SLC30A7: variants seen among roughly 807,000 people sequenced by gnomAD.
SLC30A7 encodes the protein zinc transporter 7.
In SLC30A7, 35 loss-of-function variants were observed where a neutral mutation model predicts 46.0. That is an observed-to-expected ratio of 0.76 (90% CI 0.58 to 1.01). SLC30A7 has a LOEUF of 1.01. SLC30A7 is among the 50% of genes least tolerant of loss of function. SLC30A7 has a pLI of 0.00. For synonymous variants in SLC30A7, 147 were observed against 157.8 expected (o/e 0.93, Z 0.51); for missense variants, 464 against 451.1 (o/e 1.03, Z -0.26).
chr1:100,925,968 GA>G (rs1392678244), intron 8 of SLC30A7, among the ~76,000 whole-genome samples: 3 of 152,082 alleles, frequency 2.0e-5, no homozygotes, highest in Non-Finnish European at 4.4e-5. Context: ...TGTTTTCCTG[GA>G]AGATATCCCT....
At chr1:100,987,425 T>C in the SLC30A7 span, among the ~76,000 whole-genome samples, 1 of 152,198 alleles carries the variant, frequency 6.6e-6, no homozygotes, top group Admixed American at 6.5e-5. Flanking sequence ...TTCTAATCTT[T>C]TCTTCTCTTT....
In SLC30A7 at chr1:100,906,944, A is replaced by AT. The variant is rs1189158782; in HGVS notation, c.276dup (p.Asn93Ter). 1 of 1,611,298 alleles carries AT rather than the reference A, an allele frequency of 6.2e-7. No individual in the cohort carries two copies. The highest frequency in any genetic ancestry group is 2.2e-5 in the East Asian group (1 of 44,854). On this transcript the variant is annotated frameshift_variant, in exon 3 of 11. Coordinates refer to ENST00000357650, the MANE Select transcript of SLC30A7 (RefSeq NM_133496.5). LOFTEE classifies it high-confidence loss of function. ...GCTTCTGTTATTTCAAAATGGAGAG[A>AT]TAATGATGCTTTCTCCTATGGGTAA... is the stretch of plus-strand genomic sequence containing the variant.
chr1:100,991,503 C>T, the SLC30A7 span, among the ~76,000 whole-genome samples: 3 of 152,108 alleles, frequency 2.0e-5, no homozygotes, highest in Non-Finnish European at 4.4e-5. Flanking sequence ...TCAAGAATCT[C>T]TTGACTGGGT....
In SLC30A7 at chr1:100,913,638, T is replaced by G. The variant is rs764545518; in HGVS notation, c.512-25T>G. 17 of 1,562,778 alleles carry G rather than the reference T, an allele frequency of 1.1e-5. No homozygotes were observed. In the East Asian group the frequency reaches 3.8e-4, roughly 35 times the overall value. ...TTATATAATATATTTTTACATACCT[T>G]CTGTCCTAACACTTTGTTTTCTAGG... is the stretch of plus-strand genomic sequence containing the variant. On this transcript the variant is annotated intron_variant, in intron 5 of 10. Coordinates refer to ENST00000357650, the MANE Select transcript of SLC30A7 (RefSeq NM_133496.5).
chr1:100,926,737 A>T (rs947113637), intron 8 of SLC30A7, among the ~76,000 whole-genome samples: 1 of 144,552 alleles, frequency 6.9e-6, no homozygotes, highest in African/African-American at 2.6e-5. Context: ...AAATTCAACA[A>T]ATGTTTTAGT....
chr1:100,952,069 C>G, intron 8 of SLC30A7, among the ~76,000 whole-genome samples: 1 of 152,164 alleles, frequency 6.6e-6, no homozygotes, highest in East Asian at 1.9e-4. Context: ...CAGGTGACCT[C>G]TAGATGTCAC....
At chr1:100,937,392 T>C (rs1654034843) in intron 8 of SLC30A7, among the ~76,000 whole-genome samples, 1 of 152,230 alleles carries the variant, frequency 6.6e-6, no homozygotes. Flanking sequence ...CATTTTCACC[T>C]ACAATGCAGA....
chr1:100,910,054 CATACT>C (rs1651984705), intron 3 of SLC30A7, among the ~76,000 whole-genome samples: 1 of 152,036 alleles, frequency 6.6e-6, no homozygotes. Context: ...CATAGAAATA[CATACT>C]ATGTTGGAAT....
At position 100,928,576 on chromosome 1, in the gene SLC30A7, T is replaced by C. The variant is rs371712271; in HGVS notation, c.842+6735T>C. Among the ~76,000 whole-genome samples the C allele has an allele frequency of 3.3e-5, 5 of 152,260 alleles. No individual in the cohort carries two copies. The East Asian group carries it at 5.8e-4, about 18-fold the overall frequency. On this transcript the variant is annotated intron_variant, in intron 8 of 10. Coordinates refer to ENST00000357650, the MANE Select transcript of SLC30A7 (RefSeq NM_133496.5). ...TATTTTTGTGGGTTTTCTTTTGGAT[T>C]TTTTCTTTTATTCTGAGATTATTTT...
In SLC30A7 at chr1:100,980,397, C is replaced by T. The variant is rs906147735; in HGVS notation, c.*5540C>T. 9 of 152,006 alleles carry T rather than the reference C, an allele frequency of 5.9e-5. No homozygotes were observed. Among genetic ancestry groups the T allele is most frequent in the Non-Finnish European group, 1.3e-4 (9 of 67,940 alleles). The allele number at this position is 152,006 out of a possible 1,614,324, so 9.4% of individuals were successfully genotyped here. A position where few individuals can be genotyped will look rare whatever the true frequency, so the allele number is the denominator to read the frequency against. On this transcript the variant is annotated 3_prime_UTR_variant, in exon 11 of 11. Coordinates refer to ENST00000357650, the MANE Select transcript of SLC30A7 (RefSeq NM_133496.5). Reference sequence around the variant, plus strand: ...ATTTAATGTTGACTTCTTACAACAGCCTTGAAAATTATTTGTAATTTTGAT... The same window carrying T: ...ATTTAATGTTGACTTCTTACAACAGTCTTGAAAATTATTTGTAATTTTGAT...
Position 100,966,781 on chromosome 1 carries a change from A to C in SLC30A7, c.1083+863A>C, listed in dbSNP as rs112901589. Among the ~76,000 whole-genome samples, 9 of 152,314 alleles carry C rather than the reference A, an allele frequency of 5.9e-5. No homozygotes were observed. In the East Asian group the frequency reaches 1.5e-3, roughly 26 times the overall value. ...TTTCTTATAAGATATGTTAGGTACT[A>C]TTTGAAGCCAAGAATTCTAAAACAG... On this transcript the variant is annotated intron_variant, in intron 10 of 10. Transcript: ENST00000357650.
chr1:100,964,628 T>G (rs2101090090), intron 9 of SLC30A7, among the ~76,000 whole-genome samples: 1 of 152,246 alleles, frequency 6.6e-6, no homozygotes, highest in South Asian at 2.1e-4. Context: ...ATTTTTTAAT[T>G]TGTAAAATTA....
chr1:100,913,000 T>C (rs954459524), intron 5 of SLC30A7, among the ~76,000 whole-genome samples: 1 of 152,186 alleles, frequency 6.6e-6, no homozygotes, highest in Non-Finnish European at 1.5e-5. Flanking sequence ...TTTAGAATTT[T>C]TGTAAAAGTG....
chr1:100,937,616 C>T (rs1459596318), intron 8 of SLC30A7, among the ~76,000 whole-genome samples: 1 of 152,018 alleles, frequency 6.6e-6, no homozygotes, highest in Non-Finnish European at 1.5e-5. Context: ...TTTTGTATAT[C>T]TTTGGGAAAA....
intron 8 of SLC30A7, among the ~76,000 whole-genome samples, chr1:100,939,242 T>C (rs1347364336): frequency 6.6e-6 from 1 of 152,150 alleles, no homozygotes; most frequent in East Asian, 1.9e-4. Flanking sequence ...GGAGCAATGG[T>C]TTTTTTAATG....
intron 8 of SLC30A7, among the ~76,000 whole-genome samples, chr1:100,935,922 G>A (rs1307963554): frequency 6.6e-6 from 1 of 151,916 alleles, no homozygotes; most frequent in East Asian, 1.9e-4. Context: ...TAATATATGG[G>A]CCAGAATACC....
At chr1:100,953,267 A>G (rs946517555) in intron 8 of SLC30A7, among the ~76,000 whole-genome samples, 2 of 152,222 alleles carry the variant, frequency 1.3e-5, no homozygotes, top group East Asian at 1.9e-4. Flanking sequence ...GTAGTTTTTT[A>G]TAGCAGTATG....
At chr1:100,911,828 A>C (rs985664258) in intron 4 of SLC30A7, among the ~76,000 whole-genome samples, 1 of 152,160 alleles carries the variant, frequency 6.6e-6, no homozygotes, top group Non-Finnish European at 1.5e-5. Context: ...CTGAGATTAC[A>C]AGTGTGAGCC....
intron 8 of SLC30A7, among the ~76,000 whole-genome samples, chr1:100,944,735 T>A (rs879490735): frequency 2.0e-5 from 3 of 149,568 alleles, no homozygotes; most frequent in Non-Finnish European, 4.4e-5. Flanking sequence ...TGGTTCCAAG[T>A]CTGCTATTGT....
Sources: gnomAD v4.1 joint callset for allele counts (sites outside exome capture counted in the v4.1 genomes callset) on GRCh38, gnomAD v4.1.1 for gene constraint, MANE v1.5 for transcripts, NCBI Gene and HGNC (gene_info 2026-07-23, HGNC 2026-07-21) for gene names.